The following KCNC1 variants were observed in gnomAD, a reference collection of about 807,000 sequenced individuals.
KCNC1 encodes the protein potassium voltage-gated channel subfamily C member 1.
Under a neutral mutation model 43.4 loss-of-function variants are expected in KCNC1, and 8 were observed. The ratio of observed to expected loss-of-function variants is 0.18; its 90% confidence interval spans 0.11 to 0.33. The LOEUF (loss-of-function observed/expected upper bound fraction) is 0.33, where lower values mean the gene tolerates loss of function less well. KCNC1 is among the 10% of genes least tolerant of loss of function. The probability of loss-of-function intolerance (pLI) is 1.00; values close to 1 mark genes in which losing one functional copy is unlikely to be tolerated. For synonymous variants in KCNC1, 361 were observed against 360.5 expected, an observed-to-expected ratio of 1.00 and a Z score of -0.01; for missense variants, 420 against 836.0, an observed-to-expected ratio of 0.50 and a Z score of 6.14.
intron 1 of KCNC1, among the ~76,000 whole-genome samples, chr11:17,744,227 G>A (rs1848873732): frequency 6.6e-6 from 1 of 152,130 alleles, no homozygotes; most frequent in Non-Finnish European, 1.5e-5. Flanking sequence ...TGACATTCTG[G>A]GAGTCCAAGA....
chr11:17,775,015 C>G (rs570375557), intron 2 of KCNC1: 22 of 985,336 alleles, frequency 2.2e-5, no homozygotes, highest in Middle Eastern at 5.2e-4. Flanking sequence ...TCCCATTCAC[C>G]TTTTTTCCTG....
rs577711585 is a variant in KCNC1, at chr11:17,772,387, C to G, written c.1293C>G (p.Pro431=). 5.9e-5 allele frequency: 95 copies of G among 1,614,168 alleles called. 1 individual carries two copies. The South Asian group carries it at 1.0e-3, about 17-fold the overall frequency. ...ALAGVLTIAM[P]VPVIVNNFGM... ...CGGGCGTGCTCACCATCGCCATGCC[C>G]GTGCCCGTCATCGTGAACAATTTCG... Residue 431 remains proline (P), a synonymous_variant, in exon 2 of 4, where the codon CCC becomes CCG. Coordinates refer to ENST00000265969, the MANE Select transcript of KCNC1 (RefSeq NM_001112741.2).
chr11:17,776,210 A>T lies in KCNC1; in HGVS notation c.1505-3246A>T. The T allele has an allele frequency of 1.0e-6, 1 of 985,246 alleles. No individual in the cohort carries two copies. The highest frequency in any genetic ancestry group is 1.2e-6 in the Non-Finnish European group (1 of 829,868). 61.0% of individuals were successfully genotyped at this position (985,246 alleles called of 1,614,324 possible). ...TTCTCTCTTTCTCTCTCTCTCCACT[A>T]ATCATGTTTCTCTCTCTCTCCTCGT... is the stretch of plus-strand genomic sequence containing the variant. On this transcript the variant is annotated intron_variant, in intron 2 of 3. Transcript: ENST00000265969. The surrounding 1 kb of genome is among the most constrained non-coding windows in gnomAD (Gnocchi z 4.4).
chr11:17,744,480 T>C (rs1202822315), intron 1 of KCNC1, among the ~76,000 whole-genome samples: 1 of 152,214 alleles, frequency 6.6e-6, no homozygotes, highest in Non-Finnish European at 1.5e-5. Flanking sequence ...CACCCCTGCC[T>C]GACGGGCTCC....
chr11:17,735,908 A>C lies in KCNC1; in HGVS notation c.-95A>C. 4 of 1,301,538 alleles carry C rather than the reference A, an allele frequency of 3.1e-6. No homozygotes were observed. Among genetic ancestry groups the C allele is most frequent in the South Asian group, 1.8e-5 (1 of 55,558 alleles). 80.6% of individuals were successfully genotyped at this position (1,301,538 alleles called of 1,614,324 possible). Reference sequence around the variant, plus strand: ...CCCCCGACGGCTGGGGGGAGGGGGGAAGAGGGCGCGCGCCCCCCTCCCCGG... The same window carrying C: ...CCCCCGACGGCTGGGGGGAGGGGGGCAGAGGGCGCGCGCCCCCCTCCCCGG... On this transcript the variant is annotated 5_prime_UTR_variant, in exon 1 of 4. Transcript: ENST00000265969. This position sits in a 1 kb window ranked among gnomAD's most constrained non-coding sequence, Gnocchi z 6.7.
rs1183312182 is a variant in KCNC1, at chr11:17,773,354, T to C, written c.1504+756T>C. On this transcript the variant is annotated intron_variant, in intron 2 of 3. Coordinates refer to ENST00000265969, the MANE Select transcript of KCNC1 (RefSeq NM_001112741.2). The surrounding 1 kb of genome is among the most constrained non-coding windows in gnomAD (Gnocchi z 4.1). ...TTGTCTGTTTGGGTTGATGGTCGAGTGGGAGTTTCCGGTGACCCGATGGAA... is the reference window on the plus strand; with the variant it reads ...TTGTCTGTTTGGGTTGATGGTCGAGCGGGAGTTTCCGGTGACCCGATGGAA... The C allele has an allele frequency of 1.0e-6, 1 of 985,054 alleles. No individual in the cohort carries two copies. Among genetic ancestry groups the C allele is most frequent in the South Asian group, 4.7e-5 (1 of 21,246 alleles). The allele number at this position is 985,054 out of a possible 1,614,324, so 61.0% of individuals were successfully genotyped here.
At position 17,738,026 on chromosome 11, in the gene KCNC1, C is replaced by T. The variant is rs376519009; in HGVS notation, c.570+1454C>T. Among the ~76,000 whole-genome samples the T allele has an allele frequency of 1.6e-3, 236 of 151,944 alleles. 2 individuals carry two copies. Among genetic ancestry groups the T allele is most frequent in the African/African-American group, 5.6e-3 (231 of 41,400 alleles). On this transcript the variant is annotated intron_variant, in intron 1 of 3. Transcript: ENST00000265969. The stretch of plus-strand genomic sequence containing the variant: ...TCGGGGCGGGCGGGGGGCAGGTAGC[C>T]GGTCAGTCTTATACCTTGAATTCTA...
At position 17,734,943 on chromosome 11, in the gene KCNC1, C is replaced by T. The variant is rs1282080029; in HGVS notation, c.-1060C>T. 4 of 150,908 alleles carry T rather than the reference C, an allele frequency of 2.7e-5. No individual in the cohort carries two copies. Among genetic ancestry groups the T allele is most frequent in the African/African-American group, 9.7e-5 (4 of 41,248 alleles). The allele number at this position is 150,908 out of a possible 1,614,324, so 9.3% of individuals were successfully genotyped here. A position where few individuals can be genotyped will look rare whatever the true frequency, so the allele number is the denominator to read the frequency against. Reference sequence around the variant, plus strand: ...GGACCCGCCACCCCCGCCTCCCCGCCCGACCTCCGCAGCCCCCGTCTCGGC... The same window carrying T: ...GGACCCGCCACCCCCGCCTCCCCGCTCGACCTCCGCAGCCCCCGTCTCGGC... On this transcript the variant is annotated 5_prime_UTR_variant, in exon 1 of 4. Coordinates refer to ENST00000265969, the MANE Select transcript of KCNC1 (RefSeq NM_001112741.2).
Position 17,771,449 on chromosome 11 carries a change from G to A in KCNC1, c.571-216G>A, listed in dbSNP as rs1351900676. 6.6e-6 allele frequency among the ~76,000 whole-genome samples: 1 copy of A among 152,218 alleles called. No homozygotes were observed. Among genetic ancestry groups the A allele is most frequent in the East Asian group, 1.9e-4 (1 of 5,198 alleles). On this transcript the variant is annotated intron_variant, in intron 1 of 3. Transcript: ENST00000265969. The surrounding 1 kb of genome is among the most constrained non-coding windows in gnomAD (Gnocchi z 4.7). ...TTCCACATCTAGCTGGCAATAGGGG[G>A]AAGAAGACAGCATGGAAGGCGGAGT...
At chr11:17,758,906 A>G (rs1331379880) in intron 1 of KCNC1, among the ~76,000 whole-genome samples, 2 of 152,208 alleles carry the variant, frequency 1.3e-5, no homozygotes, top group African/African-American at 2.4e-5. Flanking sequence ...CTTCAACTTA[A>G]AGTCACCAGC....
At chr11:17,764,280 T>TAC (rs1849122420) in intron 1 of KCNC1, among the ~76,000 whole-genome samples, 2 of 127,694 alleles carry the variant, frequency 1.6e-5, no homozygotes, top group Non-Finnish European at 3.1e-5. Context: ...CAAAGTTCCA[T>TAC]ACACACACTC....
chr11:17,752,577 T>G (rs1848981208), intron 1 of KCNC1, among the ~76,000 whole-genome samples: 1 of 152,228 alleles, frequency 6.6e-6, no homozygotes. Context: ...AATGCAAAGC[T>G]TTATCATTTA....
At chr11:17,778,297 C>T (rs1427751953) in intron 2 of KCNC1, among the ~76,000 whole-genome samples, 1 of 152,174 alleles carries the variant, frequency 6.6e-6, no homozygotes, top group Non-Finnish European at 1.5e-5. Context: ...CAAAGTTTGC[C>T]CCCCACCAAA....
rs974163923 is a variant in KCNC1 at position 17,768,614 on chromosome 11, G to GT, written c.571-3051_571-3050insT. On this transcript the variant is annotated intron_variant, in intron 1 of 3. Transcript: ENST00000265969. The stretch of plus-strand genomic sequence containing the variant: ...GTACAGTGGAGAATGGATGTTGGTG[G>GT]GGGGGGGGGCGGTTTGGGAATGGGA... Among the ~76,000 whole-genome samples, 17 of 99,878 alleles carry GT rather than the reference G, an allele frequency of 1.7e-4. 1 individual carries two copies. The highest frequency in any genetic ancestry group is 2.6e-4 in the Admixed American group (3 of 11,604). The allele number at this position is 99,878 out of a possible 152,430, so 65.5% of individuals were successfully genotyped here.
intron 1 of KCNC1, among the ~76,000 whole-genome samples, chr11:17,748,786 C>T (rs1184300907): frequency 6.6e-6 from 1 of 152,018 alleles, no homozygotes; most frequent in East Asian, 1.9e-4. Flanking sequence ...CCTGCAGCCA[C>T]AGGGGCCTGC....
intron 2 of KCNC1, chr11:17,775,044 G>C: frequency 1.0e-6 from 1 of 985,522 alleles, no homozygotes; most frequent in Non-Finnish European, 1.2e-6. Flanking sequence ...CATGCACCTA[G>C]ATGGGCATAG....
chr11:17,737,404 GT>G (rs1848780476), intron 1 of KCNC1, among the ~76,000 whole-genome samples: 1 of 152,130 alleles, frequency 6.6e-6, no homozygotes, highest in African/African-American at 2.4e-5. Context: ...GAGAAGGTGT[GT>G]GAGAGGTGGG....
In KCNC1 at chr11:17,768,895, C is replaced by A. The variant is rs140638903; in HGVS notation, c.571-2770C>A. 8.7e-4 allele frequency among the ~76,000 whole-genome samples: 132 copies of A among 152,352 alleles called. 1 individual carries two copies. Among genetic ancestry groups the A allele is most frequent in the African/African-American group, 2.9e-3 (122 of 41,584 alleles). On this transcript the variant is annotated intron_variant, in intron 1 of 3. Coordinates refer to ENST00000265969, the MANE Select transcript of KCNC1 (RefSeq NM_001112741.2). Reference sequence around the variant, plus strand: ...GGGGGATCTGAAGCCAGATACCCAGCAGACCAGGATGTGTGTTTTAGCTCC... The same window carrying A: ...GGGGGATCTGAAGCCAGATACCCAGAAGACCAGGATGTGTGTTTTAGCTCC...
At position 17,742,229 on chromosome 11, in the gene KCNC1, CTG is replaced by C. The variant is rs770204328; in HGVS notation, c.570+5660_570+5661del. Among the ~76,000 whole-genome samples, 13 of 151,974 alleles carry C rather than the reference CTG, an allele frequency of 8.6e-5. No individual in the cohort carries two copies. The highest frequency in any genetic ancestry group is 1.6e-4 in the Non-Finnish European group (11 of 68,020). On this transcript the variant is annotated intron_variant, in intron 1 of 3. Coordinates refer to ENST00000265969, the MANE Select transcript of KCNC1 (RefSeq NM_001112741.2). The surrounding 1 kb of genome is among the most constrained non-coding windows in gnomAD (Gnocchi z 4.2). ...CACATCGCCTCAGAGCATTTGGAGTCTGTGCTCCTTGACTCTGAGCAGGAGGC... is the reference window on the plus strand; with the variant it reads ...CACATCGCCTCAGAGCATTTGGAGTCTGCTCCTTGACTCTGAGCAGGAGGC...
Sources: allele counts gnomAD v4.1 joint callset (sites outside exome capture counted in the v4.1 genomes callset), GRCh38; gene constraint gnomAD v4.1.1; non-coding constraint Gnocchi (gnomAD v3.1); transcripts MANE v1.5; gene names NCBI Gene and HGNC (gene_info 2026-07-23, HGNC 2026-07-21).